The following SLC2A13 variants were observed in gnomAD, a reference collection of about 807,000 sequenced individuals.
SLC2A13 encodes the protein solute carrier family 2 member 13.
Under a neutral mutation model 64.4 loss-of-function variants are expected in SLC2A13, and 32 were observed. The observed-to-expected ratio is 0.50, with a 90% CI of 0.37 to 0.67. SLC2A13 has a LOEUF of 0.67. Ranked by LOEUF, SLC2A13 falls within the 30% of genes least tolerant of loss-of-function variation. The pLI is 0.00. For missense variants in SLC2A13, 743 were observed against 829.2 expected (o/e 0.90, Z 1.28); for synonymous variants, 338 against 327.1 (o/e 1.03, Z -0.36).
At position 40,048,075 on chromosome 12, in the gene SLC2A13, C is replaced by A; in HGVS notation, c.692G>T (p.Ser231Ile). The A allele has an allele frequency of 6.2e-7, 1 of 1,611,808 alleles. No homozygotes were observed. The highest frequency in any genetic ancestry group is 8.5e-7 in the Non-Finnish European group (1 of 1,179,318). The stretch of plus-strand genomic sequence containing the variant: ...CCTCCATCCATCCTTCTGGAGATAA[C>A]TGAAGGCTCCATCAACAACACTTGC... ...FFASVVDGAF[S>I]YLQKDGWRYM... Residue 231 changes from serine (S) to isoleucine (I), a missense_variant, in exon 2 of 10, where the codon AGT becomes ATT. By Grantham distance (142) the Ser-to-Ile change is moderately radical (BLOSUM62 -2). Transcript: ENST00000280871.
chr12:39,916,378 C>T (rs1565540393), intron 4 of SLC2A13, among the ~76,000 whole-genome samples: 1 of 149,968 alleles, frequency 6.7e-6, no homozygotes, highest in African/African-American at 2.5e-5. Context: ...GTAGATCTCC[C>T]TGTTCACTGC....
At chr12:40,003,003 G>A (rs915230939) in intron 3 of SLC2A13, among the ~76,000 whole-genome samples, 4 of 152,162 alleles carry the variant, frequency 2.6e-5, no homozygotes, top group Non-Finnish European at 5.9e-5. Context: ...CCTCACGCTA[G>A]GCGTATTGGT....
At chr12:39,807,117 T>C (rs1273790885) in intron 7 of SLC2A13, among the ~76,000 whole-genome samples, 1 of 148,678 alleles carries the variant, frequency 6.7e-6, no homozygotes, top group African/African-American at 2.6e-5. Context: ...GAAAAGTAAT[T>C]ACAGTTTTCG....
At chr12:39,968,879 A>G (rs1281036586) in intron 3 of SLC2A13, among the ~76,000 whole-genome samples, 3 of 147,872 alleles carry the variant, frequency 2.0e-5, no homozygotes, top group African/African-American at 7.5e-5. Context: ...TACATGTGCC[A>G]TGTTGGTGTG....
chr12:39,897,904 T>A (rs1057293813), intron 4 of SLC2A13, among the ~76,000 whole-genome samples: 7 of 152,158 alleles, frequency 4.6e-5, no homozygotes, highest in African/African-American at 1.7e-4. Context: ...GACATTTTTA[T>A]GTAGATCTAT....
chr12:40,101,087 G>A (rs1382594478), intron 1 of SLC2A13, among the ~76,000 whole-genome samples: 1 of 151,762 alleles, frequency 6.6e-6, no homozygotes, highest in Admixed American at 6.6e-5. Flanking sequence ...GATGGTCATG[G>A]TAGCAGGCAG....
At chr12:40,012,298 C>A (rs554392920) in intron 3 of SLC2A13, among the ~76,000 whole-genome samples, 9 of 152,300 alleles carry the variant, frequency 5.9e-5, no homozygotes, top group South Asian at 4.1e-4. Flanking sequence ...TTATTAGTAG[C>A]ATCTGTCTCC....
At chr12:39,881,320 G>A (rs879069944) in intron 4 of SLC2A13, among the ~76,000 whole-genome samples, 2 of 151,418 alleles carry the variant, frequency 1.3e-5, no homozygotes, top group African/African-American at 4.9e-5. Context: ...TATGAGTGTG[G>A]TTTATGTTAA....
intron 3 of SLC2A13, among the ~76,000 whole-genome samples, chr12:39,958,463 T>A (rs531696681): frequency 6.6e-6 from 1 of 152,206 alleles, no homozygotes; most frequent in Non-Finnish European, 1.5e-5. Flanking sequence ...ATAAGGTTCC[T>A]GGCACATACT....
At chr12:40,097,623 T>C (rs1324557929) in intron 1 of SLC2A13, among the ~76,000 whole-genome samples, 1 of 152,134 alleles carries the variant, frequency 6.6e-6, no homozygotes, top group Non-Finnish European at 1.5e-5. Flanking sequence ...AACAAGCCTA[T>C]GAAAAAATGT....
chr12:39,845,906 C>A (rs1422778125), intron 6 of SLC2A13, among the ~76,000 whole-genome samples: 1 of 152,080 alleles, frequency 6.6e-6, no homozygotes, highest in East Asian at 1.9e-4. Context: ...ATCTCACTAA[C>A]TAAAGGAGGA....
intron 4 of SLC2A13, among the ~76,000 whole-genome samples, chr12:39,875,858 T>C (rs1944171278): frequency 6.6e-6 from 1 of 152,226 alleles, no homozygotes; most frequent in Non-Finnish European, 1.5e-5. Context: ...ATGGGCTACC[T>C]ACCACTGAGT....
intron 7 of SLC2A13, among the ~76,000 whole-genome samples, chr12:39,828,507 A>G (rs1206531468): frequency 6.6e-6 from 1 of 152,150 alleles, no homozygotes; most frequent in African/African-American, 2.4e-5. Context: ...TATTTGCAAA[A>G]AAGCCAAAAC....
At chr12:39,896,148 ATGTATACACG>A (rs1944830779) in intron 4 of SLC2A13, among the ~76,000 whole-genome samples, 1 of 148,730 alleles carries the variant, frequency 6.7e-6, no homozygotes, top group South Asian at 2.1e-4. Context: ...GTACCTATAT[ATGTATACACG>A]TGTATACATA....
At chr12:39,923,538 T>C (rs986591157) in intron 4 of SLC2A13, among the ~76,000 whole-genome samples, 1 of 152,070 alleles carries the variant, frequency 6.6e-6, no homozygotes, top group Non-Finnish European at 1.5e-5. Context: ...TGTACAGAGT[T>C]TCTGTTTGGG....
intron 7 of SLC2A13, among the ~76,000 whole-genome samples, chr12:39,769,737 TCTCTCTTACTCAAATGTTCAACTC>T (rs1342046846): frequency 1.3e-5 from 2 of 151,846 alleles, no homozygotes; most frequent in Non-Finnish European, 2.9e-5. Context: ...ATACACAAGA[TCTCTCTTACTCAAATGTTCAACTC>T]CTCTCATATT....
chr12:39,891,975 A>AT (rs202055563), intron 4 of SLC2A13, among the ~76,000 whole-genome samples: 5 of 152,286 alleles, frequency 3.3e-5, no homozygotes, highest in South Asian at 2.1e-4. Flanking sequence ...TATCTGAACG[A>AT]TTTTTTTACT....
chr12:39,895,416 G>T (rs1400616903), intron 4 of SLC2A13, among the ~76,000 whole-genome samples: 1 of 148,370 alleles, frequency 6.7e-6, no homozygotes, highest in Non-Finnish European at 1.5e-5. Context: ...CCTGAACCTG[G>T]GAGGTGGAGC....
At chr12:39,849,012 G>C (rs753805298) in intron 6 of SLC2A13, among the ~76,000 whole-genome samples, 13 of 152,002 alleles carry the variant, frequency 8.6e-5, no homozygotes, top group African/African-American at 2.9e-4. Context: ...CAGACACTGG[G>C]GTCTACTTGA....
Sources: allele counts gnomAD v4.1 joint callset (sites outside exome capture counted in the v4.1 genomes callset), GRCh38; gene constraint gnomAD v4.1.1; transcripts MANE v1.5; gene names NCBI Gene and HGNC (gene_info 2026-07-23, HGNC 2026-07-21).